ATXN7L3B: variants seen among roughly 807,000 people sequenced by gnomAD.
ATXN7L3B encodes ataxin-7-like protein 3B.
A neutral mutation model predicts 6.3 loss-of-function variants in ATXN7L3B; 4 were observed. That is an observed-to-expected ratio of 0.63 (90% CI 0.31 to 1.45). The LOEUF (loss-of-function observed/expected upper bound fraction) is 1.45, where lower values mean the gene tolerates loss of function less well. Among genes scored for constraint, ATXN7L3B ranks in the 40% most tolerant of loss-of-function variants. The pLI is 0.07. For missense variants in ATXN7L3B, 120 were observed against 118.5 expected, an observed-to-expected ratio of 1.01 and a Z score of -0.06; for synonymous variants, 63 against 48.0, an observed-to-expected ratio of 1.31 and a Z score of -1.29.
Position 74,545,122 on chromosome 12 carries a change from A to G in ATXN7L3B, c.*6716A>G, listed in dbSNP as rs539086348. 3.3e-5 allele frequency: 5 copies of G among 152,188 alleles called. No individual in the cohort carries two copies. The highest frequency in any genetic ancestry group is 1.2e-4 in the African/African-American group (5 of 41,564). 9.4% of individuals were successfully genotyped at this position (152,188 alleles called of 1,614,324 possible). A position where few individuals can be genotyped will look rare whatever the true frequency, so the allele number is the denominator to read the frequency against. ...AACTGCTAGTAGGCTGTAAATTGGT[A>G]AAAAATGTTTTTAAAAGCAATTTAG... On this transcript the variant is annotated 3_prime_UTR_variant, in exon 1 of 1. Coordinates refer to ENST00000519948, the MANE Select transcript of ATXN7L3B (RefSeq NM_001136262.2).
In ATXN7L3B at chr12:74,537,866, G is replaced by A; in HGVS notation, c.-247G>A. 2.0e-6 allele frequency: 1 copy of A among 503,970 alleles called. No individual in the cohort carries two copies. Among genetic ancestry groups the A allele is most frequent in the South Asian group, 2.3e-5 (1 of 43,600 alleles). 31.2% of individuals were successfully genotyped at this position (503,970 alleles called of 1,614,324 possible). On this transcript the variant is annotated 5_prime_UTR_variant, in exon 1 of 1. Transcript: ENST00000519948. Reference sequence around the variant, plus strand: ...CTGGGTGAGGCGCTGAGACGGTTTGGCGGTGAGTCCTGGGCCAGGCGCAGC... The same window carrying A: ...CTGGGTGAGGCGCTGAGACGGTTTGACGGTGAGTCCTGGGCCAGGCGCAGC...
rs1652264478 is a variant in ATXN7L3B, at chr12:74,538,010, T to C, written c.-103T>C. ...GCCACCGACCCCGCCGCCGGAGGACTGGGCACTGAAAGGCCTCTAGGCCTA... is the reference window on the plus strand; with the variant it reads ...GCCACCGACCCCGCCGCCGGAGGACCGGGCACTGAAAGGCCTCTAGGCCTA... On this transcript the variant is annotated 5_prime_UTR_variant, in exon 1 of 1. Transcript: ENST00000519948. The C allele has an allele frequency of 4.5e-5, 50 of 1,122,102 alleles. 1 individual carries two copies. In the South Asian group the frequency reaches 7.5e-4, roughly 17 times the overall value. The allele number at this position is 1,122,102 out of a possible 1,614,324, so 69.5% of individuals were successfully genotyped here.
Position 74,537,883 on chromosome 12 carries a change from A to G in ATXN7L3B, c.-230A>G, listed in dbSNP as rs978431484. Reference sequence around the variant, plus strand: ...ACGGTTTGGCGGTGAGTCCTGGGCCAGGCGCAGCTGAAAGGCCCGCAACCC... The same window carrying G: ...ACGGTTTGGCGGTGAGTCCTGGGCCGGGCGCAGCTGAAAGGCCCGCAACCC... On this transcript the variant is annotated 5_prime_UTR_variant, in exon 1 of 1. Coordinates refer to ENST00000519948, the MANE Select transcript of ATXN7L3B (RefSeq NM_001136262.2). 1.8e-5 allele frequency: 10 copies of G among 551,190 alleles called. No homozygotes were observed. The highest frequency in any genetic ancestry group is 3.2e-5 in the Non-Finnish European group (10 of 308,854). 34.1% of individuals were successfully genotyped at this position (551,190 alleles called of 1,614,324 possible). A position where few individuals can be genotyped will look rare whatever the true frequency, so the allele number is the denominator to read the frequency against.
rs377567182 is a variant in ATXN7L3B at position 74,542,340 on chromosome 12, CT to C, written c.*3935del. On this transcript the variant is annotated 3_prime_UTR_variant, in exon 1 of 1. Coordinates refer to ENST00000519948, the MANE Select transcript of ATXN7L3B (RefSeq NM_001136262.2). Reference sequence around the variant, plus strand: ...TATTTTGCCTTAAGTAAGATTTCTACTACTTTTATTAAAATTCACTGTAGGG... The same window carrying C: ...TATTTTGCCTTAAGTAAGATTTCTACACTTTTATTAAAATTCACTGTAGGG... 121 of 152,234 alleles carry C rather than the reference CT, an allele frequency of 7.9e-4. No homozygotes were observed. Among genetic ancestry groups the C allele is most frequent in the African/African-American group, 2.8e-3 (116 of 41,568 alleles). 9.4% of individuals were successfully genotyped at this position (152,234 alleles called of 1,614,324 possible).
chr12:74,538,627 C>T lies in ATXN7L3B; in HGVS notation c.*221C>T. On this transcript the variant is annotated 3_prime_UTR_variant, in exon 1 of 1. Transcript: ENST00000519948. Reference sequence around the variant, plus strand: ...CTGAAGCCCTGGGCAGGAGGAGCTGCACAGCCTGCGGGCCATGCAGTGCCT... The same window carrying T: ...CTGAAGCCCTGGGCAGGAGGAGCTGTACAGCCTGCGGGCCATGCAGTGCCT... 1 of 574,674 alleles carries T rather than the reference C, an allele frequency of 1.7e-6. No individual in the cohort carries two copies. The highest frequency in any genetic ancestry group is 3.2e-6 in the Non-Finnish European group (1 of 315,976). 35.6% of individuals were successfully genotyped at this position (574,674 alleles called of 1,614,324 possible).
Position 74,543,700 on chromosome 12 carries a change from C to A in ATXN7L3B, c.*5294C>A, listed in dbSNP as rs1868952725. On this transcript the variant is annotated 3_prime_UTR_variant, in exon 1 of 1. Transcript: ENST00000519948. ...ATCACAGGATGGCAAGATTTCATCTCAAAATCATCACATTACCATTAGAGA... is the reference window on the plus strand; with the variant it reads ...ATCACAGGATGGCAAGATTTCATCTAAAAATCATCACATTACCATTAGAGA... The A allele has an allele frequency of 6.6e-6, 1 of 151,860 alleles. No homozygotes were observed. The allele number at this position is 151,860 out of a possible 1,614,324, so 9.4% of individuals were successfully genotyped here. A position where few individuals can be genotyped will look rare whatever the true frequency, so the allele number is the denominator to read the frequency against.
Position 74,538,066 on chromosome 12 carries a change from G to T in ATXN7L3B, c.-47G>T, listed in dbSNP as rs1250618952. ...GGCCCGCGGAGCCAGACGTGTTGCT[G>T]CCGTGAGTAAAACGAGCGCCCTCTC... On this transcript the variant is annotated 5_prime_UTR_variant, in exon 1 of 1. Transcript: ENST00000519948. The T allele has an allele frequency of 3.3e-6, 5 of 1,530,104 alleles. No individual in the cohort carries two copies. Among genetic ancestry groups the T allele is most frequent in the Non-Finnish European group, 3.5e-6 (4 of 1,133,300 alleles). 94.8% of individuals were successfully genotyped at this position (1,530,104 alleles called of 1,614,324 possible). A position where few individuals can be genotyped will look rare whatever the true frequency, so the allele number is the denominator to read the frequency against.
rs1334613160 is a variant in ATXN7L3B at position 74,542,899 on chromosome 12, T to C, written c.*4493T>C. 1.3e-5 allele frequency: 2 copies of C among 152,194 alleles called. No individual in the cohort carries two copies. The highest frequency in any genetic ancestry group is 2.4e-5 in the African/African-American group (1 of 41,470). The allele number at this position is 152,194 out of a possible 1,614,324, so 9.4% of individuals were successfully genotyped here. A position where few individuals can be genotyped will look rare whatever the true frequency, so the allele number is the denominator to read the frequency against. ...TTATTTTCATGTTGTTGTTTAATTA[T>C]GGTTAACGAATTGCCAGTTTTCAAG... On this transcript the variant is annotated 3_prime_UTR_variant, in exon 1 of 1. Coordinates refer to ENST00000519948, the MANE Select transcript of ATXN7L3B (RefSeq NM_001136262.2).
rs1057146118 is a variant in ATXN7L3B, at chr12:74,540,307, C to G, written c.*1901C>G. On this transcript the variant is annotated 3_prime_UTR_variant, in exon 1 of 1. Coordinates refer to ENST00000519948, the MANE Select transcript of ATXN7L3B (RefSeq NM_001136262.2). ...CTTCCCACCTCCATTTCAATACTGC[C>G]GGTTAGGACCTAAGTAGAAGAGCAG... 3 of 167,042 alleles carry G rather than the reference C, an allele frequency of 1.8e-5. No homozygotes were observed. Among genetic ancestry groups the G allele is most frequent in the Non-Finnish European group, 4.4e-5 (3 of 68,160 alleles). 10.3% of individuals were successfully genotyped at this position (167,042 alleles called of 1,614,324 possible).
At position 74,539,844 on chromosome 12, in the gene ATXN7L3B, G is replaced by C. The variant is rs1294183225; in HGVS notation, c.*1438G>C. ...GGGGTGGGAGCCCCGAGGTGAGCGG[G>C]AACGGTGCTGCTTTATTTGAAATGT... On this transcript the variant is annotated 3_prime_UTR_variant, in exon 1 of 1. Coordinates refer to ENST00000519948, the MANE Select transcript of ATXN7L3B (RefSeq NM_001136262.2). 1 of 167,218 alleles carries C rather than the reference G, an allele frequency of 6.0e-6. No homozygotes were observed. Among genetic ancestry groups the C allele is most frequent in the East Asian group, 1.9e-4 (1 of 5,180 alleles). The allele number at this position is 167,218 out of a possible 1,614,324, so 10.4% of individuals were successfully genotyped here. A position where few individuals can be genotyped will look rare whatever the true frequency, so the allele number is the denominator to read the frequency against.
Position 74,541,961 on chromosome 12 carries a change from G to A in ATXN7L3B, c.*3555G>A, listed in dbSNP as rs1406785589. The A allele has an allele frequency of 2.0e-5, 3 of 152,116 alleles. No individual in the cohort carries two copies. Among genetic ancestry groups the A allele is most frequent in the Non-Finnish European group, 4.4e-5 (3 of 68,016 alleles). The allele number at this position is 152,116 out of a possible 1,614,324, so 9.4% of individuals were successfully genotyped here. A position where few individuals can be genotyped will look rare whatever the true frequency, so the allele number is the denominator to read the frequency against. Reference sequence around the variant, plus strand: ...TTTTTCATCCCATTCCTAACCCAGAGTTTGAGCACTTCCCCTAGAAACTAC... The same window carrying A: ...TTTTTCATCCCATTCCTAACCCAGAATTTGAGCACTTCCCCTAGAAACTAC... On this transcript the variant is annotated 3_prime_UTR_variant, in exon 1 of 1. Transcript: ENST00000519948.
rs1375870506 is a variant in ATXN7L3B at position 74,544,165 on chromosome 12, C to A, written c.*5759C>A. On this transcript the variant is annotated 3_prime_UTR_variant, in exon 1 of 1. Transcript: ENST00000519948. ...GTGTTATTAAATTTAGAATGTAATT[C>A]AACAAGTTATAACAGTCCTATGAAA... The A allele has an allele frequency of 3.3e-5, 5 of 151,922 alleles. No homozygotes were observed. The highest frequency in any genetic ancestry group is 1.9e-4 in the East Asian group (1 of 5,198). The allele number at this position is 151,922 out of a possible 1,614,324, so 9.4% of individuals were successfully genotyped here.
rs550601683 is a variant in ATXN7L3B at position 74,541,901 on chromosome 12, G to A, written c.*3495G>A. 61 of 152,232 alleles carry A rather than the reference G, an allele frequency of 4.0e-4. No individual in the cohort carries two copies. Among genetic ancestry groups the A allele is most frequent in the African/African-American group, 1.4e-3 (59 of 41,530 alleles). The allele number at this position is 152,232 out of a possible 1,614,324, so 9.4% of individuals were successfully genotyped here. On this transcript the variant is annotated 3_prime_UTR_variant, in exon 1 of 1. Coordinates refer to ENST00000519948, the MANE Select transcript of ATXN7L3B (RefSeq NM_001136262.2). ...CTTAAAAAATTACCTCAACACTTTA[G>A]ATCTTTCATTTCATTTTTAATAGTA...
chr12:74,542,936 T>C lies in ATXN7L3B; in HGVS notation c.*4530T>C, dbSNP rs562232304. ...TGCCAGTTTTCAAGTCAGCCAGAGA[T>C]AATACCAGATTTCAGAAGTTTTACT... On this transcript the variant is annotated 3_prime_UTR_variant, in exon 1 of 1. Coordinates refer to ENST00000519948, the MANE Select transcript of ATXN7L3B (RefSeq NM_001136262.2). 7.2e-5 allele frequency: 11 copies of C among 152,304 alleles called. No individual in the cohort carries two copies. The highest frequency in any genetic ancestry group is 7.2e-4 in the Admixed American group (11 of 15,300). 9.4% of individuals were successfully genotyped at this position (152,304 alleles called of 1,614,324 possible).
Position 74,537,944 on chromosome 12 carries a change from C to T in ATXN7L3B, c.-169C>T. 1.6e-6 allele frequency: 1 copy of T among 627,198 alleles called. No homozygotes were observed. The highest frequency in any genetic ancestry group is 2.8e-6 in the Non-Finnish European group (1 of 360,496). The allele number at this position is 627,198 out of a possible 1,614,324, so 38.9% of individuals were successfully genotyped here. A position where few individuals can be genotyped will look rare whatever the true frequency, so the allele number is the denominator to read the frequency against. ...AAAACAAACAGAAGGACTTGGGATT[C>T]CGGAGCAGTCGCCCCTATCGCTGCT... On this transcript the variant is annotated 5_prime_UTR_variant, in exon 1 of 1. Transcript: ENST00000519948.
rs529788990 is a variant in ATXN7L3B, at chr12:74,542,468, T to G, written c.*4062T>G. 4 of 152,312 alleles carry G rather than the reference T, an allele frequency of 2.6e-5. No homozygotes were observed. Among genetic ancestry groups the G allele is most frequent in the African/African-American group, 9.6e-5 (4 of 41,586 alleles). 9.4% of individuals were successfully genotyped at this position (152,312 alleles called of 1,614,324 possible). A position where few individuals can be genotyped will look rare whatever the true frequency, so the allele number is the denominator to read the frequency against. ...ATATTTAGTGCTAAGCTAATTAGTT[T>G]TCTAAAAAGATAATTGCAAGACCCC... On this transcript the variant is annotated 3_prime_UTR_variant, in exon 1 of 1. Transcript: ENST00000519948.
In ATXN7L3B at chr12:74,540,940, A is replaced by C. The variant is rs1868878143; in HGVS notation, c.*2534A>C. The C allele has an allele frequency of 1.8e-5, 3 of 167,080 alleles. No individual in the cohort carries two copies. In the Admixed American group the frequency reaches 2.0e-4, roughly 11 times the overall value. 10.3% of individuals were successfully genotyped at this position (167,080 alleles called of 1,614,324 possible). The stretch of plus-strand genomic sequence containing the variant: ...GTAGCCTCCTGCCCTGGATGGGTAT[A>C]AGGTGGGCTTGGTCCAACAGGTGCC... On this transcript the variant is annotated 3_prime_UTR_variant, in exon 1 of 1. Coordinates refer to ENST00000519948, the MANE Select transcript of ATXN7L3B (RefSeq NM_001136262.2).
In ATXN7L3B at chr12:74,544,411, G is replaced by C. The variant is rs1868973426; in HGVS notation, c.*6005G>C. ...TTTAAGATTTATATGAACACCAGAT[G>C]CTAGAATAGACAAGATCTTTTTGAC... On this transcript the variant is annotated 3_prime_UTR_variant, in exon 1 of 1. Transcript: ENST00000519948. 6.6e-6 allele frequency: 1 copy of C among 151,984 alleles called. No homozygotes were observed. The highest frequency in any genetic ancestry group is 1.5e-5 in the Non-Finnish European group (1 of 67,840). The allele number at this position is 151,984 out of a possible 1,614,324, so 9.4% of individuals were successfully genotyped here.
chr12:74,538,621 G>T lies in ATXN7L3B; in HGVS notation c.*215G>T. On this transcript the variant is annotated 3_prime_UTR_variant, in exon 1 of 1. Coordinates refer to ENST00000519948, the MANE Select transcript of ATXN7L3B (RefSeq NM_001136262.2). Reference sequence around the variant, plus strand: ...CAAGCTCTGAAGCCCTGGGCAGGAGGAGCTGCACAGCCTGCGGGCCATGCA... The same window carrying T: ...CAAGCTCTGAAGCCCTGGGCAGGAGTAGCTGCACAGCCTGCGGGCCATGCA... 1 of 582,298 alleles carries T rather than the reference G, an allele frequency of 1.7e-6. No individual in the cohort carries two copies. Among genetic ancestry groups the T allele is most frequent in the Admixed American group, 3.1e-5 (1 of 31,954 alleles). 36.1% of individuals were successfully genotyped at this position (582,298 alleles called of 1,614,324 possible).
Sources: allele counts gnomAD v4.1 joint callset, GRCh38; gene constraint gnomAD v4.1.1; transcripts MANE v1.5; gene names NCBI Gene and HGNC (gene_info 2026-07-23, HGNC 2026-07-21).